The following VWA3B variants were observed in gnomAD, a reference collection of about 807,000 sequenced individuals.
VWA3B encodes von Willebrand factor A domain containing 3B.
In VWA3B, 138 loss-of-function variants were observed where a neutral mutation model predicts 158.3. That is an observed-to-expected ratio of 0.87 (90% CI 0.76 to 1.00). VWA3B has a LOEUF of 1.00. Among genes scored for constraint, VWA3B ranks in the 50% least tolerant of loss-of-function variants. The pLI, the probability that VWA3B is intolerant of heterozygous loss-of-function variation, is 0.00. For missense variants in VWA3B, 1,555 were observed against 1,565.1 expected, an observed-to-expected ratio of 0.99 and a Z score of 0.11; for synonymous variants, 596 against 587.3, an observed-to-expected ratio of 1.01 and a Z score of -0.21.
chr2:98,201,899 T>C (rs892523520), intron 12 of VWA3B, among the ~76,000 whole-genome samples: 2 of 152,208 alleles, frequency 1.3e-5, no homozygotes, highest in Non-Finnish European at 2.9e-5. Context: ...AGATTGAATA[T>C]ATTCTGCATT....
chr2:98,327,890 A>G, the VWA3B span, among the ~76,000 whole-genome samples: 6 of 152,212 alleles, frequency 3.9e-5, no homozygotes, highest in Non-Finnish European at 8.8e-5. Context: ...ACCTCATCCG[A>G]CAGCTGTTAC....
Position 98,096,918 on chromosome 2 carries a change from C to T in VWA3B, c.196+3630C>T, listed in dbSNP as rs182010669. 2.1e-3 allele frequency among the ~76,000 whole-genome samples: 320 copies of T among 152,022 alleles called. 1 individual carries two copies. Among genetic ancestry groups the T allele is most frequent in the Admixed American group, 3.2e-3 (49 of 15,258 alleles). On this transcript the variant is annotated intron_variant, in intron 2 of 27. Coordinates refer to ENST00000477737, the MANE Select transcript of VWA3B (RefSeq NM_144992.5). ...TTGTATTCTCTATTTCTGCTCTGAT[C>T]GCTAAGGTAAGGTAAAACATTGGGT...
chr2:98,174,916 A>G lies in VWA3B; in HGVS notation c.1115-6100A>G, dbSNP rs200967900. On this transcript the variant is annotated intron_variant, in intron 8 of 27. Transcript: ENST00000477737. ...AAAGATTTAAGGAAATCTCTGTTCA[A>G]TTATTAGCTGACCACTGAGTTAACT... Among the ~76,000 whole-genome samples, 35 of 152,352 alleles carry G rather than the reference A, an allele frequency of 2.3e-4. No individual in the cohort carries two copies. The East Asian group carries it at 4.6e-3, about 20-fold the overall frequency.
intron 8 of VWA3B, among the ~76,000 whole-genome samples, chr2:98,177,973 C>A (rs1403234355): frequency 1.3e-5 from 2 of 151,248 alleles, no homozygotes; most frequent in Non-Finnish European, 2.9e-5. Context: ...ACCTATTGAT[C>A]AGGAAAAAAA....
Position 98,303,784 on chromosome 2 carries a change from T to C in VWA3B, c.3503T>C (p.Ile1168Thr). The C allele has an allele frequency of 6.2e-7, 1 of 1,614,132 alleles. No homozygotes were observed. Reference protein sequence around the residue: ...LSCSHIKSPPIPEDPEVEDVE... With the variant: ...LSCSHIKSPPTPEDPEVEDVE... ...TGCTCTCATATAAAGTCACCCCCAA[T>C]TCCTGAGGATCCAGAAGTGTAAGTG... The change falls in exon 26 of 28, where the codon ATT becomes ACT. Residue 1168 changes from isoleucine to threonine, a missense_variant. Ile to Thr is a moderately conservative substitution (Grantham distance 89). Coordinates refer to ENST00000477737, the MANE Select transcript of VWA3B (RefSeq NM_144992.5).
At chr2:98,195,185 C>G (rs751353987) in intron 12 of VWA3B, among the ~76,000 whole-genome samples, 18 of 152,184 alleles carry the variant, frequency 1.2e-4, no homozygotes, top group African/African-American at 4.1e-4. Context: ...TCGTGGTGCA[C>G]ACCTGTAGTC....
At chr2:98,311,337 T>C (rs1349157172) in intron 26 of VWA3B, among the ~76,000 whole-genome samples, 1 of 152,240 alleles carries the variant, frequency 6.6e-6, no homozygotes, top group East Asian at 1.9e-4. Context: ...CTAAGTTCAA[T>C]GTCATTACAA....
At chr2:98,265,194 T>TC (rs1687730186) in intron 21 of VWA3B, among the ~76,000 whole-genome samples, 1 of 69,448 alleles carries the variant, frequency 1.4e-5, no homozygotes. Flanking sequence ...CCCTCCCGCC[T>TC]CCCCCCACCC....
At chr2:98,239,351 GAAATATCGTGCTA>G (rs1468638823) in intron 19 of VWA3B, among the ~76,000 whole-genome samples, 34 of 22,840 alleles carry the variant, frequency 1.5e-3, no homozygotes, top group Non-Finnish European at 2.9e-3. Context: ...CGTGCTAAAT[GAAATATCGTGCTA>G]AATGAAATAT....
At chr2:98,204,029 C>T (rs1465951192) in intron 12 of VWA3B, among the ~76,000 whole-genome samples, 1 of 152,160 alleles carries the variant, frequency 6.6e-6, no homozygotes. Context: ...TTAAAGTATA[C>T]ATGAGGATTG....
chr2:98,308,360 T>G (rs552358595), intron 26 of VWA3B, among the ~76,000 whole-genome samples: 1 of 152,226 alleles, frequency 6.6e-6, no homozygotes, highest in South Asian at 2.1e-4. Context: ...CGTTCAGGAG[T>G]GTCCCTGAGC....
At chr2:98,095,850 T>C (rs900710651) in intron 2 of VWA3B, among the ~76,000 whole-genome samples, 15 of 152,224 alleles carry the variant, frequency 9.9e-5, no homozygotes, top group Admixed American at 6.5e-5. Context: ...TTTTGTCAAA[T>C]GCTTATTCTG....
At position 98,162,890 on chromosome 2, in the gene VWA3B, A is replaced by C. The variant is rs778046747; in HGVS notation, c.1028A>C (p.Glu343Ala). Residue 343 changes from glutamate to alanine, a missense_variant, in exon 8 of 28, where the codon GAG (glutamate) becomes GCG (alanine). Coordinates refer to ENST00000477737, the MANE Select transcript of VWA3B (RefSeq NM_144992.5). ...GAGGACGTGTTTCTCGTTTGGCAAG[A>C]GATGGAGGAAGCCTGCAGCACGCTG... ...VREDVFLVWQ[E>A]MEEACSTLAQ... 3.7e-6 allele frequency: 6 copies of C among 1,613,838 alleles called. No individual in the cohort carries two copies. The African/African-American group carries it at 4.0e-5, about 11-fold the overall frequency.
chr2:98,312,042 A>G lies in VWA3B; in HGVS notation c.3735+10A>G, dbSNP rs1386961993. ...ACACCCCGAGCCCAGGGTTTGGGTGATGGGGGGGGAACACAACATCGCTTA... is the reference window on the plus strand; with the variant it reads ...ACACCCCGAGCCCAGGGTTTGGGTGGTGGGGGGGGAACACAACATCGCTTA... On this transcript the variant is annotated intron_variant, in intron 27 of 27. Transcript: ENST00000477737. 4.4e-6 allele frequency: 7 copies of G among 1,591,966 alleles called. No homozygotes were observed. The Admixed American group carries it at 8.9e-5, about 20-fold the overall frequency.
intron 21 of VWA3B, among the ~76,000 whole-genome samples, chr2:98,261,403 C>T (rs1687471055): frequency 6.6e-6 from 1 of 151,688 alleles, no homozygotes; most frequent in Non-Finnish European, 1.5e-5. Flanking sequence ...GCATTTGCCT[C>T]TTAAAGAGTA....
At chr2:98,179,647 C>G (rs1262880035) in intron 8 of VWA3B, among the ~76,000 whole-genome samples, 1 of 152,104 alleles carries the variant, frequency 6.6e-6, no homozygotes, top group African/African-American at 2.4e-5. Context: ...TCCTTTCTTC[C>G]TTTCTTTCTC....
intron 19 of VWA3B, chr2:98,245,544 T>C: frequency 2.2e-6 from 1 of 456,928 alleles, no homozygotes; most frequent in East Asian, 7.0e-5. Context: ...TGAGCTACTA[T>C]CACACTGAAG....
intron 13 of VWA3B, 89 bp downstream of exon 13, chr2:98,212,117 C>A: frequency 9.0e-7 from 1 of 1,115,644 alleles, no homozygotes; most frequent in Non-Finnish European, 1.3e-6. Flanking sequence ...TTTCAGCTGC[C>A]ACCAAAAATC....
intron 8 of VWA3B, among the ~76,000 whole-genome samples, chr2:98,167,184 G>A (rs980467674): frequency 3.9e-5 from 6 of 152,270 alleles, no homozygotes; most frequent in Middle Eastern, 3.4e-3. Context: ...CTGCCATTCC[G>A]CACACTGGTT....
Sources: gnomAD v4.1 joint callset for allele counts (sites outside exome capture counted in the v4.1 genomes callset) on GRCh38, gnomAD v4.1.1 for gene constraint, MANE v1.5 for transcripts, NCBI Gene and HGNC (gene_info 2026-07-23, HGNC 2026-07-21) for gene names.